Variants in ZNF385B observed in about 807,000 individuals in gnomAD.
The protein encoded by ZNF385B is zinc finger protein 385B.
A neutral mutation model predicts 39.2 loss-of-function variants in ZNF385B; 23 were observed. That is an observed-to-expected ratio of 0.59 (90% CI 0.42 to 0.83). The LOEUF is 0.83. Ranked by LOEUF, ZNF385B falls within the 40% of genes least tolerant of loss-of-function variation. The probability of loss-of-function intolerance (pLI) is 0.00; values close to 1 mark genes in which losing one functional copy is unlikely to be tolerated. For missense variants in ZNF385B, 552 were observed against 598.9 expected, an observed-to-expected ratio of 0.92 and a Z score of 0.82; for synonymous variants, 205 against 222.6, an observed-to-expected ratio of 0.92 and a Z score of 0.70.
intron 3 of ZNF385B, among the ~76,000 whole-genome samples, chr2:179,547,072 G>C (rs750365972): frequency 6.7e-6 from 1 of 149,144 alleles, no homozygotes; most frequent in African/African-American, 2.5e-5. Flanking sequence ...TTTTATTCAG[G>C]TTTTTAAAAT....
intron 3 of ZNF385B, among the ~76,000 whole-genome samples, chr2:179,694,263 G>A (rs967450612): frequency 6.6e-6 from 1 of 151,720 alleles, no homozygotes; most frequent in Non-Finnish European, 1.5e-5. Flanking sequence ...GAGTTATACA[G>A]TTAGGACAAT....
Position 179,779,172 on chromosome 2 carries a change from G to A in ZNF385B, c.-154-8500C>T, listed in dbSNP as rs548342462. Among the ~76,000 whole-genome samples, 4 of 152,222 alleles carry A rather than the reference G, an allele frequency of 2.6e-5. No individual in the cohort carries two copies. In the East Asian group the frequency reaches 7.7e-4, roughly 29 times the overall value. ...TAAAAAACACAGTGCTGTAACAGGG[G>A]TTGCCTTGGTCAGGGCAGTCAGACA... On this transcript the variant is annotated intron_variant, in intron 1 of 9. Coordinates refer to ENST00000410066, the MANE Select transcript of ZNF385B (RefSeq NM_152520.6).
intron 3 of ZNF385B, among the ~76,000 whole-genome samples, chr2:179,630,750 G>A (rs1312772133): frequency 3.9e-5 from 6 of 152,168 alleles, no homozygotes; most frequent in Admixed American, 6.5e-5. Flanking sequence ...CGAACCCATC[G>A]CAAGGAAGCT....
At chr2:179,585,955 C>G (rs1189496446) in intron 3 of ZNF385B, 1 of 152,236 alleles carries the variant, frequency 6.6e-6, no homozygotes, top group African/African-American at 2.4e-5. Context: ...AGAACCCTGT[C>G]ATAGCGTCTC....
At chr2:179,474,290 T>G (rs2053173763) in intron 6 of ZNF385B, among the ~76,000 whole-genome samples, 1 of 152,160 alleles carries the variant, frequency 6.6e-6, no homozygotes, top group Non-Finnish European at 1.5e-5. Flanking sequence ...GTAGTAAGTT[T>G]GATGGACAGC....
chr2:179,729,893 T>C lies in ZNF385B; in HGVS notation c.298+39610A>G, dbSNP rs193186371. Among the ~76,000 whole-genome samples the C allele has an allele frequency of 1.4e-4, 21 of 152,284 alleles. 1 individual carries two copies. The highest frequency in any genetic ancestry group is 4.8e-4 in the African/African-American group (20 of 41,564). ...CTTGCCTGCCACCGTGTAAGATGTA[T>C]CTGCTTCCCCTTCCGCCATAATTGC... On this transcript the variant is annotated intron_variant, in intron 3 of 9. Transcript: ENST00000410066.
intron 5 of ZNF385B, among the ~76,000 whole-genome samples, chr2:179,496,946 G>A (rs957426236): frequency 2.0e-5 from 3 of 152,186 alleles, no homozygotes; most frequent in African/African-American, 7.2e-5. Context: ...CTACTTGAGA[G>A]GCTGAGGCTC....
At chr2:179,486,664 C>A (rs1010875133) in intron 5 of ZNF385B, among the ~76,000 whole-genome samples, 1 of 152,158 alleles carries the variant, frequency 6.6e-6, no homozygotes, top group African/African-American at 2.4e-5. Flanking sequence ...CCTGTAAGCC[C>A]GGCACTTTGG....
chr2:179,464,563 A>T (rs973632277), intron 6 of ZNF385B, among the ~76,000 whole-genome samples: 1 of 152,184 alleles, frequency 6.6e-6, no homozygotes, highest in Non-Finnish European at 1.5e-5. Context: ...AGTTTTCTGC[A>T]TATGGCTAGC....
intron 3 of ZNF385B, among the ~76,000 whole-genome samples, chr2:179,752,242 T>G (rs898509077): frequency 8.5e-5 from 13 of 152,248 alleles, no homozygotes; most frequent in African/African-American, 2.9e-4. Context: ...GCTTCATCCA[T>G]GTCCCTTCAA....
intron 1 of ZNF385B, among the ~76,000 whole-genome samples, chr2:179,849,227 A>G (rs960966834): frequency 6.6e-6 from 1 of 152,218 alleles, no homozygotes; most frequent in Admixed American, 6.5e-5. Context: ...GGAGAATACC[A>G]TGCAAACGAA....
intron 3 of ZNF385B, among the ~76,000 whole-genome samples, chr2:179,638,819 A>G (rs3112940): frequency 0.19 from 29,652 of 152,072 alleles, 3,404 homozygotes; most frequent in African/African-American, 0.32. Context: ...GATGAGAACA[A>G]GTTGAAAAGA....
intron 3 of ZNF385B, among the ~76,000 whole-genome samples, chr2:179,559,796 T>G (rs1368436255): frequency 1.3e-5 from 2 of 152,062 alleles, no homozygotes; most frequent in Non-Finnish European, 2.9e-5. Context: ...AATCCACTCT[T>G]AGAAATTTTC....
chr2:179,854,813 CTTAA>C (rs1440630009), intron 1 of ZNF385B, among the ~76,000 whole-genome samples: 5 of 152,128 alleles, frequency 3.3e-5, no homozygotes, highest in African/African-American at 7.2e-5. Flanking sequence ...ATTATGTCTT[CTTAA>C]TTGTGTTATT....
At chr2:179,699,778 T>G (rs1436837387) in intron 3 of ZNF385B, among the ~76,000 whole-genome samples, 1 of 152,220 alleles carries the variant, frequency 6.6e-6, no homozygotes, top group Non-Finnish European at 1.5e-5. Flanking sequence ...TGTTGGCGGT[T>G]GATGGCATAT....
At chr2:179,544,569 T>C (rs1436861747) in intron 4 of ZNF385B, among the ~76,000 whole-genome samples, 1 of 152,206 alleles carries the variant, frequency 6.6e-6, no homozygotes, top group Non-Finnish European at 1.5e-5. Flanking sequence ...GGAAATTCTA[T>C]GAAAATTGTG....
At chr2:179,833,271 C>A (rs72968700) in intron 1 of ZNF385B, among the ~76,000 whole-genome samples, 1 of 152,088 alleles carries the variant, frequency 6.6e-6, no homozygotes, top group Non-Finnish European at 1.5e-5. Flanking sequence ...CACAGAAAAA[C>A]CACACAAATA....
intron 1 of ZNF385B, among the ~76,000 whole-genome samples, chr2:179,791,814 T>C (rs1170545416): frequency 6.6e-6 from 1 of 152,206 alleles, no homozygotes. Flanking sequence ...TGGAGTGCAA[T>C]GGCACGATTT....
chr2:179,844,579 A>T (rs922714833), intron 1 of ZNF385B, among the ~76,000 whole-genome samples: 2 of 152,224 alleles, frequency 1.3e-5, no homozygotes, highest in African/African-American at 4.8e-5. Flanking sequence ...AAAATTAAAG[A>T]AAGAAGCAAG....
Sources: allele counts gnomAD v4.1 joint callset (sites outside exome capture counted in the v4.1 genomes callset), GRCh38; gene constraint gnomAD v4.1.1; transcripts MANE v1.5; gene names NCBI Gene and HGNC (gene_info 2026-07-23, HGNC 2026-07-21).